SV2C: variants seen among roughly 807,000 people sequenced by gnomAD.
The protein encoded by SV2C is synaptic vesicle glycoprotein 2C.
Under a neutral mutation model 79.7 loss-of-function variants are expected in SV2C, and 49 were observed. That is an observed-to-expected ratio of 0.61 (90% CI 0.49 to 0.78). The LOEUF (loss-of-function observed/expected upper bound fraction) is 0.78, where lower values mean the gene tolerates loss of function less well. SV2C is among the 30% of genes least tolerant of loss of function. The probability of loss-of-function intolerance (pLI) is 0.00; values close to 1 mark genes in which losing one functional copy is unlikely to be tolerated. For missense variants in SV2C, 833 were observed against 912.9 expected (o/e 0.91, Z 1.13); for synonymous variants, 334 against 333.2 (o/e 1.00, Z -0.03).
intron 4 of SV2C, among the ~76,000 whole-genome samples, chr5:76,233,006 T>C (rs1745477498): frequency 7.1e-6 from 1 of 140,988 alleles, no homozygotes; most frequent in South Asian, 2.1e-4. Flanking sequence ...GGGGATGGCA[T>C]TGAATCTGTA....
chr5:76,294,066 T>A (rs1747654013), intron 8 of SV2C, among the ~76,000 whole-genome samples: 1 of 152,176 alleles, frequency 6.6e-6, no homozygotes, highest in Non-Finnish European at 1.5e-5. Context: ...TGCCAAAGTT[T>A]TTAATTCATC....
intron 12 of SV2C, among the ~76,000 whole-genome samples, chr5:76,347,162 G>T (rs941235658): frequency 2.0e-5 from 3 of 152,156 alleles, no homozygotes; most frequent in African/African-American, 2.4e-5. Context: ...TCAGCATATG[G>T]GATGGATTTC....
chr5:76,018,840 C>A, the SV2C span, among the ~76,000 whole-genome samples: 3 of 152,238 alleles, frequency 2.0e-5, no homozygotes, highest in South Asian at 6.2e-4. Flanking sequence ...ACCATTGATT[C>A]CCTGAAGATT....
chr5:76,291,137 TG>T, intron 6 of SV2C, 83 bp from the exon 7 acceptor site: 1 of 895,466 alleles, frequency 1.1e-6, no homozygotes, highest in East Asian at 2.8e-5. Context: ...AGTCAGTTTT[TG>T]CTCCTGTAAA....
the SV2C span, among the ~76,000 whole-genome samples, chr5:76,009,048 C>A: frequency 0.036 from 5,474 of 152,206 alleles, 219 homozygotes; most frequent in African/African-American, 0.089. Flanking sequence ...CTCAGTGAGG[C>A]CCACCATGTC....
intron 2 of SV2C, among the ~76,000 whole-genome samples, chr5:76,168,382 G>A (rs1743107502): frequency 6.6e-6 from 1 of 151,568 alleles, no homozygotes; most frequent in Admixed American, 6.6e-5. Flanking sequence ...TGCCCACCAG[G>A]ATGACTCACC....
chr5:75,944,916 A>T, the SV2C span, among the ~76,000 whole-genome samples: 1 of 152,048 alleles, frequency 6.6e-6, no homozygotes, highest in Admixed American at 6.6e-5. Context: ...TGTCTTGGCT[A>T]AAAAAACTGG....
At chr5:75,890,469 C>T in the SV2C span, among the ~76,000 whole-genome samples, 1 of 152,064 alleles carries the variant, frequency 6.6e-6, no homozygotes, top group African/African-American at 2.4e-5. Flanking sequence ...GCATACAATC[C>T]CAAATGCCTA....
At chr5:76,041,312 T>C in the SV2C span, among the ~76,000 whole-genome samples, 1 of 152,234 alleles carries the variant, frequency 6.6e-6, no homozygotes, top group African/African-American at 2.4e-5. Context: ...GCTCCTTCTC[T>C]TCTCACCTTT....
At chr5:76,084,440 G>A (rs1422658555) in intron 1 of SV2C, among the ~76,000 whole-genome samples, 1 of 151,390 alleles carries the variant, frequency 6.6e-6, no homozygotes. Flanking sequence ...AGCGTCGCGG[G>A]GAGCGCCCCG....
intron 4 of SV2C, among the ~76,000 whole-genome samples, chr5:76,283,771 T>C (rs1747264712): frequency 6.6e-6 from 1 of 152,232 alleles, no homozygotes; most frequent in Non-Finnish European, 1.5e-5. Context: ...ACATCATTTG[T>C]CAACAAATTC....
At chr5:75,853,861 A>G in the SV2C span, among the ~76,000 whole-genome samples, 1 of 151,320 alleles carries the variant, frequency 6.6e-6, no homozygotes, top group Non-Finnish European at 1.5e-5. Context: ...TTTAAACTCT[A>G]CTTTATTCAG....
the SV2C span, among the ~76,000 whole-genome samples, chr5:75,990,657 A>G: frequency 2.0e-5 from 3 of 151,924 alleles, no homozygotes; most frequent in Non-Finnish European, 4.4e-5. Context: ...GTCTTAGACA[A>G]CAAGTCCTGG....
At chr5:75,864,337 C>CATCA in the SV2C span, among the ~76,000 whole-genome samples, 1 of 152,022 alleles carries the variant, frequency 6.6e-6, no homozygotes, top group Non-Finnish European at 1.5e-5. Flanking sequence ...TCCATCCATC[C>CATCA]ATCCATCCAT....
the SV2C span, among the ~76,000 whole-genome samples, chr5:75,900,696 TGTA>T: frequency 6.6e-6 from 1 of 152,200 alleles, no homozygotes; most frequent in Admixed American, 6.6e-5. Context: ...CACTTTCACA[TGTA>T]GTACACCAAT....
At chr5:75,952,251 C>T in the SV2C span, among the ~76,000 whole-genome samples, 20 of 74,056 alleles carry the variant, frequency 2.7e-4, no homozygotes, top group Admixed American at 5.4e-4. Flanking sequence ...CTGCATTTTC[C>T]TTCCTTCCTT....
At chr5:76,081,331 C>T (rs1009690566), upstream of SV2C, among the ~76,000 whole-genome samples, 2 of 152,074 alleles carry the variant, frequency 1.3e-5, no homozygotes, top group Non-Finnish European at 1.5e-5. Flanking sequence ...AAAAGGTAAC[C>T]GTTTGAGAAC....
At chr5:76,277,643 G>A (rs926503166) in intron 4 of SV2C, among the ~76,000 whole-genome samples, 9 of 152,170 alleles carry the variant, frequency 5.9e-5, no homozygotes, top group East Asian at 1.9e-4. Context: ...GCGCTTGCCC[G>A]TGGTCCCAGC....
chr5:76,087,417 G>C (rs768317747), intron 1 of SV2C, among the ~76,000 whole-genome samples: 3 of 152,238 alleles, frequency 2.0e-5, no homozygotes, highest in Non-Finnish European at 2.9e-5. Flanking sequence ...TACAAGTCAA[G>C]AGTACAGTGA....
Sources: gnomAD v4.1 joint callset for allele counts (sites outside exome capture counted in the v4.1 genomes callset) on GRCh38, gnomAD v4.1.1 for gene constraint, MANE v1.5 for transcripts, NCBI Gene and HGNC (gene_info 2026-07-23, HGNC 2026-07-21) for gene names.